ADAM11: variants seen among roughly 807,000 people sequenced by gnomAD.
ADAM11 encodes ADAM metallopeptidase domain 11.
Under a neutral mutation model 119.1 loss-of-function variants are expected in ADAM11, and 49 were observed. The observed-to-expected ratio is 0.41, with a 90% CI of 0.33 to 0.52. The LOEUF (loss-of-function observed/expected upper bound fraction) is 0.52. ADAM11 is among the 20% of genes least tolerant of loss of function. The pLI is 0.20. For synonymous variants in ADAM11, 364 were observed against 408.0 expected (o/e 0.89, Z 1.30); for missense variants, 777 against 1,047.5 (o/e 0.74, Z 3.56).
At chr17:44,779,698 C>T in intron 26 of ADAM11, 41 bp from the exon 27 acceptor site, 1 of 1,575,240 alleles carries the variant, frequency 6.3e-7, no homozygotes, top group Non-Finnish European at 8.6e-7. Flanking sequence ...TCCCCGTGGC[C>T]CCTGCTCACG....
In ADAM11 at chr17:44,779,472, C is replaced by G. The variant is rs2049661544; in HGVS notation, c.2294+233C>G. 4.1e-6 allele frequency: 4 copies of G among 985,340 alleles called. No individual in the cohort carries two copies. In the African/African-American group the frequency reaches 7.0e-5, roughly 17 times the overall value. The allele number at this position is 985,340 out of a possible 1,614,324, so 61.0% of individuals were successfully genotyped here. A position where few individuals can be genotyped will look rare whatever the true frequency, so the allele number is the denominator to read the frequency against. ...TCAGGCCACGTCCTTCTCGACTGCC[C>G]TGCTGCGGCCAGGCCCTCCCCTGCC... On this transcript the variant is annotated intron_variant, in intron 26 of 26. Coordinates refer to ENST00000200557, the MANE Select transcript of ADAM11 (RefSeq NM_002390.6).
At chr17:44,774,423 G>A in intron 12 of ADAM11, 44 bp downstream of exon 12, 1 of 1,564,936 alleles carries the variant, frequency 6.4e-7, no homozygotes, top group Non-Finnish European at 8.7e-7. Flanking sequence ...CTGAGGGAAA[G>A]GGGCTTCAGG....
rs60015991 is a variant in ADAM11 at position 44,770,496 on chromosome 17, C to A, written c.381+448C>A. Among the ~76,000 whole-genome samples the A allele has an allele frequency of 7.1e-4, 57 of 80,494 alleles. 3 individuals carry two copies. The highest frequency in any genetic ancestry group is 6.0e-3 in the Middle Eastern group (1 of 168). 52.8% of individuals were successfully genotyped at this position (80,494 alleles called of 152,430 possible). Reference sequence around the variant, plus strand: ...TCTATAAATAGCCTGTCTCCCCCCCCCCCGCCCCCACTGCCTGTTCAGTAA... The same window carrying A: ...TCTATAAATAGCCTGTCTCCCCCCCACCCGCCCCCACTGCCTGTTCAGTAA... On this transcript the variant is annotated intron_variant, in intron 4 of 26. Coordinates refer to ENST00000200557, the MANE Select transcript of ADAM11 (RefSeq NM_002390.6).
Position 44,772,821 on chromosome 17 carries a change from G to C in ADAM11, c.679-36G>C, listed in dbSNP as rs749792475. 1 of 1,597,356 alleles carries C rather than the reference G, an allele frequency of 6.3e-7. No homozygotes were observed. Among genetic ancestry groups the C allele is most frequent in the South Asian group, 1.1e-5 (1 of 90,404 alleles). ...TTGGCCATGAGATCAGTCAGACATG[G>C]AAGGGACTGATTCCAAGTGCCCACC... is the stretch of plus-strand genomic sequence containing the variant. On this transcript the variant is annotated intron_variant, in intron 8 of 26. Transcript: ENST00000200557. This position sits in a 1 kb window ranked among gnomAD's most constrained non-coding sequence, Gnocchi z 4.5.
Position 44,760,031 on chromosome 17 carries a change from G to A in ADAM11, c.237+134G>A, listed in dbSNP as rs572501986. The stretch of plus-strand genomic sequence containing the variant: ...TCCCCTTCTGTACAGTGGGCTATCC[G>A]GTGGGTGCTGGAGCCCACTGGTGGG... On this transcript the variant is annotated intron_variant, in intron 2 of 26. Transcript: ENST00000200557. The A allele has an allele frequency of 7.5e-6, 7 of 930,334 alleles. No individual in the cohort carries two copies. The African/African-American group carries it at 8.5e-5, about 11-fold the overall frequency. 57.6% of individuals were successfully genotyped at this position (930,334 alleles called of 1,614,324 possible). A position where few individuals can be genotyped will look rare whatever the true frequency, so the allele number is the denominator to read the frequency against.
rs1305205344 is a variant in ADAM11, at chr17:44,780,414, A to AT, written c.*661dup. 3.0e-6 allele frequency: 1 copy of AT among 331,126 alleles called. No homozygotes were observed. The highest frequency in any genetic ancestry group is 5.8e-6 in the Non-Finnish European group (1 of 172,272). 20.5% of individuals were successfully genotyped at this position (331,126 alleles called of 1,614,324 possible). A position where few individuals can be genotyped will look rare whatever the true frequency, so the allele number is the denominator to read the frequency against. On this transcript the variant is annotated 3_prime_UTR_variant, in exon 27 of 27. Transcript: ENST00000200557. ...TAGCCCCGCTGAGCTTGGAGGAAGT[A>AT]TGAGTGCTGATTCAAACCAAAGCTG...
chr17:44,764,374 T>C (rs1342482726), intron 2 of ADAM11, among the ~76,000 whole-genome samples: 1 of 152,216 alleles, frequency 6.6e-6, no homozygotes, highest in African/African-American at 2.4e-5. Flanking sequence ...ATGGGAGTCA[T>C]GGACATGGTG....
intron 4 of ADAM11, among the ~76,000 whole-genome samples, chr17:44,770,544 G>A (rs568806564): frequency 6.7e-6 from 1 of 149,710 alleles, no homozygotes; most frequent in South Asian, 2.1e-4. Context: ...TAATTCTGCA[G>A]GAGGCAGAGC....
chr17:44,778,726 G>GAAAGA (rs1453632761), intron 25 of ADAM11, among the ~76,000 whole-genome samples: 1 of 125,406 alleles, frequency 8.0e-6, no homozygotes, highest in African/African-American at 3.0e-5. Context: ...AAGAAAGAGA[G>GAAAGA]AAAGAAAAGA....
At chr17:44,763,028 T>C (rs1395743841) in intron 2 of ADAM11, among the ~76,000 whole-genome samples, 1 of 151,612 alleles carries the variant, frequency 6.6e-6, no homozygotes, top group Non-Finnish European at 1.5e-5. Context: ...CCCAGCTACT[T>C]GGGAGGCTGA....
intron 24 of ADAM11, 39 bp downstream of exon 24, chr17:44,778,105 G>A (rs201435530): frequency 1.2e-5 from 19 of 1,611,242 alleles, no homozygotes; most frequent in Middle Eastern, 1.7e-4. Context: ...TGTCTGTCCT[G>A]CTCTCTATGC....
chr17:44,770,101 C>G (rs943866879), intron 4 of ADAM11, 53 bp downstream of exon 4: 1 of 1,590,578 alleles, frequency 6.3e-7, no homozygotes, highest in African/African-American at 1.3e-5. Flanking sequence ...GGTGCTGTTT[C>G]TGTGGTTCTG....
At position 44,779,912 on chromosome 17, in the gene ADAM11, C is replaced by T. The variant is rs2049668658; in HGVS notation, c.*158C>T. On this transcript the variant is annotated 3_prime_UTR_variant, in exon 27 of 27. Coordinates refer to ENST00000200557, the MANE Select transcript of ADAM11 (RefSeq NM_002390.6). ...CAGGGGTTTGGGTGGGGGCTGTGGC[C>T]CTGCCCTTGGCACCACCAGGGTGGA... 1 of 1,107,852 alleles carries T rather than the reference C, an allele frequency of 9.0e-7. No individual in the cohort carries two copies. Among genetic ancestry groups the T allele is most frequent in the Non-Finnish European group, 1.3e-6 (1 of 754,184 alleles). The allele number at this position is 1,107,852 out of a possible 1,614,324, so 68.6% of individuals were successfully genotyped here. A position where few individuals can be genotyped will look rare whatever the true frequency, so the allele number is the denominator to read the frequency against.
intron 2 of ADAM11, among the ~76,000 whole-genome samples, chr17:44,763,136 A>G (rs1380970234): frequency 6.6e-6 from 1 of 152,178 alleles, no homozygotes; most frequent in Non-Finnish European, 1.5e-5. Flanking sequence ...ATCCTGTCTC[A>G]CACAATACAA....
rs2049633084 is a variant in ADAM11, at chr17:44,778,204, TGCA to T, written c.2241_2243del (p.Ala748del). 1 of 1,613,698 alleles carries T rather than the reference TGCA, an allele frequency of 6.2e-7. No homozygotes were observed. The highest frequency in any genetic ancestry group is 8.5e-7 in the Non-Finnish European group (1 of 1,179,880). ...GCTCCATTGCTGGGGCTGTCCTGGT[TGCA>T]GCCATCGTCCTGGGCGGCACGGGCT... On this transcript the variant is annotated inframe_deletion, in exon 25 of 27. Coordinates refer to ENST00000200557, the MANE Select transcript of ADAM11 (RefSeq NM_002390.6).
In ADAM11 at chr17:44,780,335, G is replaced by A. The variant is rs1008318720; in HGVS notation, c.*581G>A. 13 of 356,220 alleles carry A rather than the reference G, an allele frequency of 3.6e-5. No homozygotes were observed. Among genetic ancestry groups the A allele is most frequent in the Middle Eastern group, 9.7e-4 (1 of 1,036 alleles). 22.1% of individuals were successfully genotyped at this position (356,220 alleles called of 1,614,324 possible). A position where few individuals can be genotyped will look rare whatever the true frequency, so the allele number is the denominator to read the frequency against. ...ACCCTCCCCAAGGATGACCACACCCGAAGTCCTGTCACTGAGCACAGTCAG... is the reference window on the plus strand; with the variant it reads ...ACCCTCCCCAAGGATGACCACACCCAAAGTCCTGTCACTGAGCACAGTCAG... On this transcript the variant is annotated 3_prime_UTR_variant, in exon 27 of 27. Coordinates refer to ENST00000200557, the MANE Select transcript of ADAM11 (RefSeq NM_002390.6).
chr17:44,767,397 G>A (rs2049464057), intron 2 of ADAM11, among the ~76,000 whole-genome samples: 2 of 151,880 alleles, frequency 1.3e-5, no homozygotes, highest in Non-Finnish European at 2.9e-5. Flanking sequence ...CCTAATGCTG[G>A]GCGGGCTTGG....
At position 44,772,763 on chromosome 17, in the gene ADAM11, G is replaced by T. The variant is rs2049542632; in HGVS notation, c.679-94G>T. On this transcript the variant is annotated intron_variant, in intron 8 of 26. Transcript: ENST00000200557. The surrounding 1 kb of genome is among the most constrained non-coding windows in gnomAD (Gnocchi z 4.5). ...TGGCACTGTCCCTGGCTGGAGTCCA[G>T]ACCCCCCCATCCCCACCGAGTCTGT... is the stretch of plus-strand genomic sequence containing the variant. The T allele has an allele frequency of 1.7e-6, 2 of 1,164,944 alleles. No individual in the cohort carries two copies. Among genetic ancestry groups the T allele is most frequent in the East Asian group, 4.8e-5 (2 of 41,574 alleles). 72.2% of individuals were successfully genotyped at this position (1,164,944 alleles called of 1,614,324 possible). A position where few individuals can be genotyped will look rare whatever the true frequency, so the allele number is the denominator to read the frequency against.
At chr17:44,770,495 CCCCCG>C (rs200654979) in intron 4 of ADAM11, among the ~76,000 whole-genome samples, 59,441 of 120,612 alleles carry the variant, frequency 0.49, 14,068 homozygotes, top group East Asian at 0.74. Context: ...GTCTCCCCCC[CCCCCG>C]CCCCCACTGC....
Sources: allele counts gnomAD v4.1 joint callset (sites outside exome capture counted in the v4.1 genomes callset), GRCh38; gene constraint gnomAD v4.1.1; non-coding constraint Gnocchi (gnomAD v3.1); transcripts MANE v1.5; gene names NCBI Gene and HGNC (gene_info 2026-07-23, HGNC 2026-07-21).